The following MEGF11 variants were observed in gnomAD, a reference collection of about 807,000 sequenced individuals.
The protein encoded by MEGF11 is multiple epidermal growth factor-like domains protein 11.
In MEGF11, 126 loss-of-function variants were observed where a neutral mutation model predicts 146.6. The observed-to-expected ratio is 0.86, with a 90% confidence interval of 0.74 to 1.00. The LOEUF (loss-of-function observed/expected upper bound fraction) is 1.00, where lower values mean the gene tolerates loss of function less well. Ranked by LOEUF, MEGF11 falls within the 50% of genes least tolerant of loss-of-function variation. MEGF11 has a pLI of 0.00. For missense variants in MEGF11, 1,509 were observed against 1,521.2 expected (o/e 0.99, Z 0.13); for synonymous variants, 532 against 583.4 (o/e 0.91, Z 1.27).
chr15:65,903,981 G>C (rs764032861), intron 24 of MEGF11, among the ~76,000 whole-genome samples: 1 of 152,192 alleles, frequency 6.6e-6, no homozygotes, highest in Non-Finnish European at 1.5e-5. Flanking sequence ...CTGGCTGCCT[G>C]CTGAGCCCTC....
intron 5 of MEGF11, among the ~76,000 whole-genome samples, chr15:66,034,067 G>C (rs911342139): frequency 6.6e-6 from 1 of 152,226 alleles, no homozygotes; most frequent in South Asian, 2.1e-4. Context: ...TGGGATTACA[G>C]GCATGGGCCA....
chr15:65,950,155 A>G (rs1468102756), intron 10 of MEGF11, among the ~76,000 whole-genome samples: 2 of 152,208 alleles, frequency 1.3e-5, no homozygotes, highest in African/African-American at 4.8e-5. Context: ...CATCATCATC[A>G]TCATCAACAG....
chr15:66,041,296 A>G (rs757068880), intron 5 of MEGF11, among the ~76,000 whole-genome samples: 2 of 152,216 alleles, frequency 1.3e-5, no homozygotes, highest in Non-Finnish European at 2.9e-5. Context: ...TGGGCAGAAA[A>G]TGCAAGCTCT....
intron 1 of MEGF11, among the ~76,000 whole-genome samples, chr15:66,159,286 G>A (rs1324959797): frequency 1.3e-5 from 2 of 152,188 alleles, no homozygotes; most frequent in Non-Finnish European, 1.5e-5. Context: ...GATGGCCAGC[G>A]TCTGGCTGTG....
chr15:65,913,040 C>G (rs1340412803), intron 20 of MEGF11, among the ~76,000 whole-genome samples: 1 of 152,146 alleles, frequency 6.6e-6, no homozygotes, highest in Non-Finnish European at 1.5e-5. Flanking sequence ...TACTGTTTAG[C>G]CAATATGAAG....
intron 2 of MEGF11, among the ~76,000 whole-genome samples, chr15:66,127,261 C>T (rs924790842): frequency 1.3e-5 from 2 of 152,254 alleles, no homozygotes; most frequent in Non-Finnish European, 2.9e-5. Context: ...GGACACACCA[C>T]AGTACTGCCT....
intron 13 of MEGF11, among the ~76,000 whole-genome samples, chr15:65,927,188 G>GC (rs2079400565): frequency 6.6e-6 from 1 of 152,176 alleles, no homozygotes; most frequent in Non-Finnish European, 1.5e-5. Context: ...CTTACTATGT[G>GC]CCAGGCACTG....
intron 4 of MEGF11, among the ~76,000 whole-genome samples, chr15:66,103,140 G>A (rs1272902279): frequency 2.6e-5 from 4 of 152,198 alleles, no homozygotes; most frequent in Admixed American, 2.0e-4. Context: ...GCTGGATAGG[G>A]GATGAGGTGA....
At chr15:66,100,664 G>A (rs1282223604) in intron 4 of MEGF11, among the ~76,000 whole-genome samples, 1 of 152,128 alleles carries the variant, frequency 6.6e-6, no homozygotes, top group Non-Finnish European at 1.5e-5. Context: ...ACCTCACTAT[G>A]TTTTTCAAAG....
chr15:65,964,864 C>G, intron 9 of MEGF11, 44 bp downstream of exon 9: 1 of 1,490,274 alleles, frequency 6.7e-7, no homozygotes, highest in Non-Finnish European at 9.0e-7. Context: ...TCTACCTGAG[C>G]ACCCCCCGCC....
At chr15:66,062,105 A>G (rs2084930426) in intron 5 of MEGF11, among the ~76,000 whole-genome samples, 1 of 152,204 alleles carries the variant, frequency 6.6e-6, no homozygotes, top group Non-Finnish European at 1.5e-5. Flanking sequence ...CTCTCTGGGA[A>G]GGTGACATCT....
chr15:65,964,855 C>G, intron 9 of MEGF11, 53 bp downstream of exon 9: 1 of 1,483,780 alleles, frequency 6.7e-7, no homozygotes, highest in Non-Finnish European at 9.1e-7. Flanking sequence ...AGCCTCCTCT[C>G]TACCTGAGCA....
At chr15:66,084,168 C>G (rs922845344) in intron 5 of MEGF11, among the ~76,000 whole-genome samples, 1 of 152,092 alleles carries the variant, frequency 6.6e-6, no homozygotes, top group Non-Finnish European at 1.5e-5. Context: ...ATCGTATATG[C>G]GGTCAGTCAC....
chr15:66,237,134 C>T (rs2092111243), intron 1 of MEGF11, among the ~76,000 whole-genome samples: 1 of 152,192 alleles, frequency 6.6e-6, no homozygotes, highest in African/African-American at 2.4e-5. Flanking sequence ...AGTGCCTCAT[C>T]CAGGGACCAC....
intron 5 of MEGF11, among the ~76,000 whole-genome samples, chr15:66,053,874 A>G (rs975497905): frequency 6.8e-6 from 1 of 148,090 alleles, no homozygotes; most frequent in African/African-American, 2.6e-5. Flanking sequence ...GACTACAGGC[A>G]TGCACCACCA....
intron 1 of MEGF11, among the ~76,000 whole-genome samples, chr15:66,212,376 C>T (rs937402258): frequency 2.6e-5 from 4 of 152,310 alleles, no homozygotes; most frequent in East Asian, 1.9e-4. Flanking sequence ...ATTCTCCCAT[C>T]CCCATCAGCA....
chr15:66,023,147 A>AAAAAAAAAC (rs1555462454), intron 5 of MEGF11, among the ~76,000 whole-genome samples: 91 of 149,976 alleles, frequency 6.1e-4, no homozygotes, highest in Middle Eastern at 3.4e-3. Flanking sequence ...TCTCAAAAAA[A>AAAAAAAAAC]AAAAAAAACA....
intron 1 of MEGF11, among the ~76,000 whole-genome samples, chr15:66,231,519 G>A (rs1427560677): frequency 1.3e-5 from 2 of 152,072 alleles, no homozygotes; most frequent in South Asian, 2.1e-4. Flanking sequence ...CTGAAGAAGG[G>A]AGAGGAGCTG....
intron 1 of MEGF11, among the ~76,000 whole-genome samples, chr15:66,223,468 C>T (rs2091781510): frequency 6.6e-6 from 1 of 152,188 alleles, no homozygotes; most frequent in South Asian, 2.1e-4. Flanking sequence ...TTGAATTGTA[C>T]ACTTTAAAAT....
Sources: allele counts gnomAD v4.1 joint callset (sites outside exome capture counted in the v4.1 genomes callset), GRCh38; gene constraint gnomAD v4.1.1; transcripts MANE v1.5; gene names NCBI Gene and HGNC (gene_info 2026-07-23, HGNC 2026-07-21).